Variants in MCC observed in about 807,000 individuals in gnomAD.
The protein encoded by MCC is colorectal mutant cancer protein.
Under a neutral mutation model 116.2 loss-of-function variants are expected in MCC, and 90 were observed. That is an observed-to-expected ratio of 0.77 (90% confidence interval 0.65 to 0.92). The LOEUF (loss-of-function observed/expected upper bound fraction) is 0.92, where lower values mean the gene tolerates loss of function less well. MCC is among the 40% of genes least tolerant of loss of function. The pLI, the probability that MCC is intolerant of heterozygous loss-of-function variation, is 0.00. For synonymous variants in MCC, 578 were observed against 510.5 expected, an observed-to-expected ratio of 1.13 and a Z score of -1.78; for missense variants, 1,516 against 1,312.2, an observed-to-expected ratio of 1.16 and a Z score of -2.40.
intron 3 of MCC, among the ~76,000 whole-genome samples, chr5:113,248,832 CTT>C (rs1269527611): frequency 6.5e-5 from 9 of 138,140 alleles, no homozygotes; most frequent in African/African-American, 8.0e-5. Context: ...TCTCTCTCTT[CTT>C]TTTTTTTTTT....
chr5:113,196,487 A>G lies in MCC; in HGVS notation c.628-45065T>C, dbSNP rs186572156. Among the ~76,000 whole-genome samples the G allele has an allele frequency of 7.2e-5, 11 of 152,346 alleles. No homozygotes were observed. The East Asian group carries it at 1.5e-3, about 21-fold the overall frequency. Reference sequence around the variant, plus strand: ...TGTTGCTAGATACTATGATTTTGTAAGAAAATCCAGAAATAGGGATTTTTA... The same window carrying G: ...TGTTGCTAGATACTATGATTTTGTAGGAAAATCCAGAAATAGGGATTTTTA... On this transcript the variant is annotated intron_variant, in intron 3 of 18. Coordinates refer to ENST00000408903, the MANE Select transcript of MCC (RefSeq NM_001085377.2).
At chr5:113,212,031 A>G (rs1039732385) in intron 3 of MCC, among the ~76,000 whole-genome samples, 1 of 152,222 alleles carries the variant, frequency 6.6e-6, no homozygotes, top group Non-Finnish European at 1.5e-5. Flanking sequence ...AAGATGCAGT[A>G]AGATCCCAGA....
chr5:113,170,447 C>T (rs1561423810), intron 3 of MCC, among the ~76,000 whole-genome samples: 1 of 152,062 alleles, frequency 6.6e-6, no homozygotes, highest in Non-Finnish European at 1.5e-5. Context: ...AGCTTGGATG[C>T]TTTTTATTTC....
chr5:113,371,293 C>T (rs1351514243), intron 2 of MCC, among the ~76,000 whole-genome samples: 1 of 152,162 alleles, frequency 6.6e-6, no homozygotes, highest in African/African-American at 2.4e-5. Flanking sequence ...AGCCATGACA[C>T]AATTAGTTTT....
chr5:113,109,793 A>T (rs897605392), intron 6 of MCC, among the ~76,000 whole-genome samples: 1 of 152,164 alleles, frequency 6.6e-6, no homozygotes, highest in Non-Finnish European at 1.5e-5. Context: ...AATTAAAAAA[A>T]ATTTTCCCCT....
At chr5:113,377,158 T>C (rs1353130424) in intron 2 of MCC, among the ~76,000 whole-genome samples, 10 of 152,172 alleles carry the variant, frequency 6.6e-5, no homozygotes, top group Non-Finnish European at 2.9e-5. Flanking sequence ...GCTTCTCCAA[T>C]ATGGTCACAT....
chr5:113,407,254 T>C (rs1282826255), intron 1 of MCC, among the ~76,000 whole-genome samples: 1 of 152,210 alleles, frequency 6.6e-6, no homozygotes, highest in African/African-American at 2.4e-5. Context: ...GTTCAAAATC[T>C]AGCTGATCTC....
At chr5:113,273,280 A>T (rs891854372) in intron 3 of MCC, among the ~76,000 whole-genome samples, 5 of 152,184 alleles carry the variant, frequency 3.3e-5, no homozygotes, top group African/African-American at 1.2e-4. Context: ...TTTTCTAACA[A>T]AATATTCTAA....
chr5:113,438,326 C>A (rs1770922902), intron 1 of MCC, among the ~76,000 whole-genome samples: 1 of 152,058 alleles, frequency 6.6e-6, no homozygotes, highest in Non-Finnish European at 1.5e-5. Context: ...GGAGCTGAGG[C>A]AATTAAGAGC....
chr5:113,440,242 T>A (rs1376608213), intron 1 of MCC, among the ~76,000 whole-genome samples: 1 of 152,226 alleles, frequency 6.6e-6, no homozygotes, highest in African/African-American at 2.4e-5. Context: ...TTTATTCCCC[T>A]GCTTGAAATT....
At chr5:113,152,150 G>A (rs1339114471) in intron 3 of MCC, among the ~76,000 whole-genome samples, 1 of 152,148 alleles carries the variant, frequency 6.6e-6, no homozygotes, top group African/African-American at 2.4e-5. Flanking sequence ...ATTTCTCTGG[G>A]TTAACTGGAG....
intron 6 of MCC, among the ~76,000 whole-genome samples, chr5:113,114,264 C>G (rs1757270854): frequency 6.6e-6 from 1 of 152,196 alleles, no homozygotes; most frequent in Non-Finnish European, 1.5e-5. Context: ...CTTCAACATT[C>G]TAGGCAAGAA....
chr5:113,413,311 T>G, intron 1 of MCC, among the ~76,000 whole-genome samples: 1 of 152,222 alleles, frequency 6.6e-6, no homozygotes, highest in Non-Finnish European at 1.5e-5. Flanking sequence ...GGATTCCCTC[T>G]TTTTCTATTG....
chr5:113,333,447 T>G (rs185247811), intron 3 of MCC, among the ~76,000 whole-genome samples: 2 of 151,822 alleles, frequency 1.3e-5, no homozygotes, highest in Admixed American at 1.3e-4. Flanking sequence ...ACTTGCTATG[T>G]CAGTTTTTTA....
chr5:113,262,534 A>C (rs573733680), intron 3 of MCC, among the ~76,000 whole-genome samples: 1 of 152,298 alleles, frequency 6.6e-6, no homozygotes, highest in East Asian at 1.9e-4. Context: ...CCAAGCACTT[A>C]TGTGCAAAAC....
At chr5:113,428,304 T>C (rs1374959451) in intron 1 of MCC, among the ~76,000 whole-genome samples, 1 of 152,132 alleles carries the variant, frequency 6.6e-6, no homozygotes, top group East Asian at 1.9e-4. Flanking sequence ...CCCTCACCCT[T>C]ATTCCCTGTA....
chr5:113,069,645 T>C (rs1289993603), intron 12 of MCC, among the ~76,000 whole-genome samples: 1 of 152,212 alleles, frequency 6.6e-6, no homozygotes, highest in East Asian at 1.9e-4. Flanking sequence ...CTCAGCTCAC[T>C]GCAAGCTCCG....
At chr5:113,037,318 G>A (rs1001647124) in intron 17 of MCC, among the ~76,000 whole-genome samples, 9 of 152,170 alleles carry the variant, frequency 5.9e-5, no homozygotes, top group Non-Finnish European at 1.3e-4. Flanking sequence ...ACTTGGACAT[G>A]GATTTGAACT....
At chr5:113,356,928 A>G (rs533927360) in intron 2 of MCC, among the ~76,000 whole-genome samples, 1 of 152,360 alleles carries the variant, frequency 6.6e-6, no homozygotes, top group East Asian at 1.9e-4. Context: ...ATGAATTGCC[A>G]CAACATTTTT....
Sources: gnomAD v4.1 joint callset for allele counts (sites outside exome capture counted in the v4.1 genomes callset) on GRCh38, gnomAD v4.1.1 for gene constraint, MANE v1.5 for transcripts, NCBI Gene and HGNC (gene_info 2026-07-23, HGNC 2026-07-21) for gene names.